The following PTPRG variants were observed in gnomAD, a reference collection of about 807,000 sequenced individuals.
The protein encoded by PTPRG is protein tyrosine phosphatase receptor type G.
PTPRG carries 102 observed loss-of-function variants against 165.3 expected under a neutral mutation model. That is an observed-to-expected ratio of 0.62 (90% confidence interval 0.53 to 0.73). PTPRG has a LOEUF of 0.73. Ranked by LOEUF, PTPRG falls within the 30% of genes least tolerant of loss-of-function variation. The pLI is 0.00. For synonymous variants in PTPRG, 675 were observed against 669.5 expected (o/e 1.01, Z -0.13); for missense variants, 1,866 against 1,861.4 (o/e 1.00, Z -0.05).
intron 2 of PTPRG, among the ~76,000 whole-genome samples, chr3:61,860,158 G>C (rs1428429906): frequency 6.6e-6 from 1 of 152,182 alleles, no homozygotes; most frequent in Non-Finnish European, 1.5e-5. Context: ...GTACATTTCA[G>C]AGTGAAAAGT....
At chr3:62,039,253 T>G (rs1038865969) in intron 4 of PTPRG, among the ~76,000 whole-genome samples, 5 of 141,648 alleles carry the variant, frequency 3.5e-5, no homozygotes, top group African/African-American at 1.4e-4. Flanking sequence ...TGGTTTTTTT[T>G]TTTGGTTTTG....
intron 3 of PTPRG, among the ~76,000 whole-genome samples, chr3:61,996,959 A>G (rs2041053762): frequency 6.6e-6 from 1 of 152,164 alleles, no homozygotes; most frequent in Non-Finnish European, 1.5e-5. Context: ...CTCATTAACC[A>G]ATTACCCTGA....
At chr3:61,688,991 T>C (rs1575590889) in intron 1 of PTPRG, among the ~76,000 whole-genome samples, 1 of 152,196 alleles carries the variant, frequency 6.6e-6, no homozygotes, top group East Asian at 1.9e-4. Context: ...GGAAGTTTGG[T>C]GGTACGACTG....
At chr3:61,694,262 G>C (rs761076888) in intron 1 of PTPRG, among the ~76,000 whole-genome samples, 5 of 152,190 alleles carry the variant, frequency 3.3e-5, no homozygotes, top group African/African-American at 1.2e-4. Flanking sequence ...AGACAGGCAA[G>C]AGGCCAGTTC....
chr3:62,041,277 A>G (rs1473241977), intron 4 of PTPRG, among the ~76,000 whole-genome samples: 2 of 152,238 alleles, frequency 1.3e-5, no homozygotes, highest in African/African-American at 4.8e-5. Flanking sequence ...TTGGAGACTT[A>G]GAAGCCTTTT....
intron 1 of PTPRG, among the ~76,000 whole-genome samples, chr3:61,690,069 C>T (rs764701396): frequency 6.6e-6 from 1 of 152,214 alleles, no homozygotes; most frequent in Non-Finnish European, 1.5e-5. Flanking sequence ...TCTTCAGCTT[C>T]CTTTTTCTTT....
At chr3:61,662,700 G>A (rs1702699184) in intron 1 of PTPRG, among the ~76,000 whole-genome samples, 1 of 152,170 alleles carries the variant, frequency 6.6e-6, no homozygotes, top group South Asian at 2.1e-4. Flanking sequence ...TTGGAATGGG[G>A]TCCAATGATG....
chr3:61,929,152 C>T (rs1458538625), intron 2 of PTPRG, among the ~76,000 whole-genome samples: 1 of 152,080 alleles, frequency 6.6e-6, no homozygotes, highest in Non-Finnish European at 1.5e-5. Flanking sequence ...TGACATTTAA[C>T]ATCACCAAAA....
intron 1 of PTPRG, among the ~76,000 whole-genome samples, chr3:61,649,916 T>C (rs1352375035): frequency 2.6e-5 from 4 of 152,210 alleles, no homozygotes; most frequent in Non-Finnish European, 5.9e-5. Flanking sequence ...AGACTTGCTA[T>C]AATCTGCTGG....
chr3:62,124,658 C>G (rs1285968684), intron 5 of PTPRG: 3 of 738,906 alleles, frequency 4.1e-6, no homozygotes, highest in Non-Finnish European at 6.8e-6. Context: ...TGTCCTGAAG[C>G]TCAGGCCACC....
intron 4 of PTPRG, among the ~76,000 whole-genome samples, chr3:62,053,607 A>G (rs1008426677): frequency 6.6e-6 from 1 of 152,088 alleles, no homozygotes; most frequent in Non-Finnish European, 1.5e-5. Flanking sequence ...CTAGTGCTTA[A>G]TATTCTGAAG....
chr3:62,140,910 C>CCTGAG (rs1040271420), intron 6 of PTPRG, among the ~76,000 whole-genome samples: 16 of 146,124 alleles, frequency 1.1e-4, no homozygotes, highest in Non-Finnish European at 2.1e-4. Flanking sequence ...TGAAAAGGAA[C>CCTGAG]CTGAGGAAAT....
intron 10 of PTPRG, among the ~76,000 whole-genome samples, chr3:62,198,747 C>G (rs947010693): frequency 6.6e-6 from 1 of 152,198 alleles, no homozygotes; most frequent in African/African-American, 2.4e-5. Context: ...TGACGAACAT[C>G]AATGATATTC....
chr3:61,842,470 C>T (rs1370644154), intron 2 of PTPRG, among the ~76,000 whole-genome samples: 1 of 152,086 alleles, frequency 6.6e-6, no homozygotes, highest in Non-Finnish European at 1.5e-5. Flanking sequence ...TACATGTTCC[C>T]CTCCTTGTAT....
At chr3:61,756,273 C>G (rs1294576182) in intron 2 of PTPRG, among the ~76,000 whole-genome samples, 1 of 152,112 alleles carries the variant, frequency 6.6e-6, no homozygotes, top group African/African-American at 2.4e-5. Flanking sequence ...CTGTTGCTAC[C>G]TAAATGTTTT....
chr3:61,887,170 A>ATT (rs869308871), intron 2 of PTPRG, among the ~76,000 whole-genome samples: 23 of 115,530 alleles, frequency 2.0e-4, no homozygotes, highest in East Asian at 9.9e-4. Context: ...ATATATATAT[A>ATT]TTTTTAATGC....
chr3:61,821,128 A>G (rs2035941746), intron 2 of PTPRG, among the ~76,000 whole-genome samples: 1 of 151,956 alleles, frequency 6.6e-6, no homozygotes, highest in South Asian at 2.1e-4. Flanking sequence ...AAAACATATT[A>G]ATCATATTAG....
chr3:62,054,958 C>T (rs974924789), intron 4 of PTPRG, among the ~76,000 whole-genome samples: 3 of 152,174 alleles, frequency 2.0e-5, no homozygotes, highest in South Asian at 2.1e-4. Flanking sequence ...GTCAGGGGAG[C>T]GATTGCTCAT....
chr3:62,239,355 TC>T (rs1701105190), intron 14 of PTPRG, among the ~76,000 whole-genome samples: 12 of 150,082 alleles, frequency 8.0e-5, no homozygotes, highest in African/African-American at 2.7e-4. Flanking sequence ...CTTTCTTTTT[TC>T]TTTCTTTTTT....
Sources: gnomAD v4.1 joint callset for allele counts (sites outside exome capture counted in the v4.1 genomes callset) on GRCh38, gnomAD v4.1.1 for gene constraint, MANE v1.5 for transcripts, NCBI Gene and HGNC (gene_info 2026-07-23, HGNC 2026-07-21) for gene names.